Variants in MTR observed in about 807,000 individuals in gnomAD.
The protein encoded by MTR is 5-methyltetrahydrofolate-homocysteine methyltransferase.
Under a neutral mutation model 154.8 loss-of-function variants are expected in MTR, and 84 were observed. The ratio of observed to expected loss-of-function variants is 0.54; its 90% CI spans 0.45 to 0.65. MTR has a LOEUF of 0.65. Ranked by LOEUF, MTR falls within the 30% of genes least tolerant of loss-of-function variation. MTR has a pLI of 0.00. For missense variants in MTR, 1,275 were observed against 1,570.2 expected, an observed-to-expected ratio of 0.81 and a Z score of 3.18; for synonymous variants, 554 against 553.9, an observed-to-expected ratio of 1.00 and a Z score of 0.00.
chr1:236,880,782 G>A lies in MTR; in HGVS notation c.2622G>A (p.Pro874=), dbSNP rs141919148. ...SKTHTAVKIA[P]RYSAPVIHVL... is the part of the protein sequence containing the mutation. ...CCCACACAGCAGTTAAAATAGCTCC[G>A]AGATACAGTGCACCTGTAATCCATG... The change falls in exon 25 of 33, where the codon CCG becomes CCA. Residue 874 remains proline (P), a synonymous_variant. Transcript: ENST00000366577. 5.3e-4 allele frequency: 860 copies of A among 1,614,130 alleles called. 1 individual carries two copies. The highest frequency in any genetic ancestry group is 6.2e-4 in the Non-Finnish European group (734 of 1,180,012).
chr1:236,835,568 G>C lies in MTR; in HGVS notation c.1210G>C (p.Val404Leu), dbSNP rs950521121. ...TCAGGAAGCCTTGTGTGTTGCCAAAGTGCAGGTGGAAATGGGAGCCCAGGT... is the reference window on the plus strand; with the variant it reads ...TCAGGAAGCCTTGTGTGTTGCCAAACTGCAGGTGGAAATGGGAGCCCAGGT... ...NYEEALCVAKVQVEMGAQVLD... is the reference protein window; with the variant it reads ...NYEEALCVAKLQVEMGAQVLD... The change falls in exon 14 of 33, where the codon GTG becomes CTG. Residue 404 changes from valine (V) to leucine (L), a missense_variant. Coordinates refer to ENST00000366577, the MANE Select transcript of MTR (RefSeq NM_000254.3). The C allele has an allele frequency of 1.2e-6, 2 of 1,611,772 alleles. No individual in the cohort carries two copies. The highest frequency in any genetic ancestry group is 1.7e-6 in the Non-Finnish European group (2 of 1,179,652).
intron 15 of MTR, among the ~76,000 whole-genome samples, chr1:236,846,074 T>G (rs1242413322): frequency 2.0e-5 from 3 of 152,214 alleles, no homozygotes; most frequent in African/African-American, 7.2e-5. Flanking sequence ...AACTGCAAGG[T>G]CAAGACCAGA....
At position 236,900,256 on chromosome 1, in the gene MTR, A is replaced by G. The variant is rs1666861911; in HGVS notation, c.*2612A>G. On this transcript the variant is annotated 3_prime_UTR_variant, in exon 33 of 33. Coordinates refer to ENST00000366577, the MANE Select transcript of MTR (RefSeq NM_000254.3). ...TAGTGGAAATGAGTGAACTACAGCT[A>G]TACCTCACAATAAGAATGAATCTCA... The G allele has an allele frequency of 3.7e-6, 1 of 271,776 alleles. No homozygotes were observed. The highest frequency in any genetic ancestry group is 7.5e-6 in the Non-Finnish European group (1 of 132,540). The allele number at this position is 271,776 out of a possible 1,614,324, so 16.8% of individuals were successfully genotyped here. A position where few individuals can be genotyped will look rare whatever the true frequency, so the allele number is the denominator to read the frequency against.
At chr1:236,837,681 T>C (rs1173770311) in intron 14 of MTR, among the ~76,000 whole-genome samples, 2 of 152,192 alleles carry the variant, frequency 1.3e-5, no homozygotes, top group African/African-American at 4.8e-5. Flanking sequence ...GGAGGGTCCC[T>C]GGAGCTCAGG....
chr1:236,854,860 C>T (rs1280264996), intron 18 of MTR, among the ~76,000 whole-genome samples: 1 of 152,186 alleles, frequency 6.6e-6, no homozygotes, highest in East Asian at 1.9e-4. Flanking sequence ...AGAGGTTTTG[C>T]CCCTGGAGGC....
At position 236,843,948 on chromosome 1, in the gene MTR, G is replaced by A. The variant is rs575252051; in HGVS notation, c.1515+5349G>A. ...ATGGGCAAAGTCTGGCTTGAAGATAGGATTCCTTTTTTTGGGAATTATTTG... is the reference window on the plus strand; with the variant it reads ...ATGGGCAAAGTCTGGCTTGAAGATAAGATTCCTTTTTTTGGGAATTATTTG... On this transcript the variant is annotated intron_variant, in intron 15 of 32. Coordinates refer to ENST00000366577, the MANE Select transcript of MTR (RefSeq NM_000254.3). 1.1e-4 allele frequency among the ~76,000 whole-genome samples: 16 copies of A among 152,266 alleles called. No individual in the cohort carries two copies. In the South Asian group the frequency reaches 3.1e-3, roughly 30 times the overall value.
At chr1:236,814,752 A>G (rs759296554) in intron 6 of MTR, among the ~76,000 whole-genome samples, 2 of 152,186 alleles carry the variant, frequency 1.3e-5, no homozygotes, top group African/African-American at 2.4e-5. Context: ...GATTTTTTGC[A>G]TTGAGTCCCA....
At chr1:236,866,301 G>T (rs1201296932) in intron 22 of MTR, among the ~76,000 whole-genome samples, 2 of 152,068 alleles carry the variant, frequency 1.3e-5, no homozygotes, top group African/African-American at 4.8e-5. Context: ...GATGATCTGT[G>T]ATCAGTGATC....
At chr1:236,819,341 A>G (rs1661784107) in intron 8 of MTR, among the ~76,000 whole-genome samples, 1 of 152,330 alleles carries the variant, frequency 6.6e-6, no homozygotes, top group East Asian at 1.9e-4. Flanking sequence ...TATATAGTTG[A>G]GACCACATAG....
chr1:236,840,560 G>C (rs1420671631), intron 15 of MTR, among the ~76,000 whole-genome samples: 1 of 152,174 alleles, frequency 6.6e-6, no homozygotes, highest in East Asian at 1.9e-4. Context: ...AGAATAAAAT[G>C]AGAGAGGAAG....
Position 236,889,310 on chromosome 1 carries a change from C to T in MTR, c.2981C>T (p.Pro994Leu), listed in dbSNP as rs1355193173. The change falls in exon 28 of 33, where the codon CCC becomes CTC. Residue 994 changes from proline to leucine, a missense_variant. By Grantham distance (98) the Pro-to-Leu change is moderately conservative. Transcript: ENST00000366577. ...LRGKYPNRGFPKIFNDKTVGG... is the reference protein window; with the variant it reads ...LRGKYPNRGFLKIFNDKTVGG... ...GGCAAGTACCCGAATCGAGGCTTTC[C>T]CAAGATATTTAACGACAAAACAGTA... 6.2e-7 allele frequency: 1 copy of T among 1,614,072 alleles called. No individual in the cohort carries two copies. The highest frequency in any genetic ancestry group is 1.3e-5 in the African/African-American group (1 of 74,914).
At chr1:236,811,255 A>AATTACCCTC (rs1661286089) in intron 5 of MTR, among the ~76,000 whole-genome samples, 1 of 152,134 alleles carries the variant, frequency 6.6e-6, no homozygotes, top group African/African-American at 2.4e-5. Context: ...CCCATGATTC[A>AATTACCCTC]ATTACCCTCA....
rs1345387459 is a variant in MTR at position 236,862,257 on chromosome 1, A to G, written c.2218A>G (p.Met740Val). 4.3e-6 allele frequency: 7 copies of G among 1,613,854 alleles called. No individual in the cohort carries two copies. The highest frequency in any genetic ancestry group is 5.9e-6 in the Non-Finnish European group (7 of 1,179,866). Residue 740 changes from methionine to valine, a missense_variant, in exon 21 of 33, where the codon ATG (methionine) becomes GTG (valine). Physicochemically the swap from Met to Val is conservative, Grantham distance 21. Coordinates refer to ENST00000366577, the MANE Select transcript of MTR (RefSeq NM_000254.3). ...TCAGGTTATAAAGTCAGCCCGGGTT[A>G]TGAAGAAGGCTGTTGGCCACCTTAT... Reference protein sequence around the residue: ...LPQVIKSARVMKKAVGHLIPF... With the variant: ...LPQVIKSARVVKKAVGHLIPF...
chr1:236,828,927 G>A (rs1019641333), intron 11 of MTR, among the ~76,000 whole-genome samples: 4 of 152,032 alleles, frequency 2.6e-5, no homozygotes, highest in Admixed American at 2.6e-4. Context: ...CCAGGTTCAT[G>A]TCTCAGAAAG....
intron 31 of MTR, among the ~76,000 whole-genome samples, chr1:236,896,130 G>A (rs1029647920): frequency 6.6e-6 from 1 of 152,164 alleles, no homozygotes; most frequent in Non-Finnish European, 1.5e-5. Flanking sequence ...TGAGACAAAG[G>A]CCCAGACACC....
Position 236,889,304 on chromosome 1 carries a change from G to C in MTR, c.2975G>C (p.Gly992Ala). Residue 992 changes from glycine (G) to alanine (A), a missense_variant, in exon 28 of 33, where the codon GGC (glycine) becomes GCC (alanine). Transcript: ENST00000366577. ...CTCCGGGGCAAGTACCCGAATCGAG[G>C]CTTTCCCAAGATATTTAACGACAAA... ...WQLRGKYPNR[G>A]FPKIFNDKTV... The C allele has an allele frequency of 1.2e-6, 2 of 1,614,220 alleles. No individual in the cohort carries two copies. The highest frequency in any genetic ancestry group is 1.3e-5 in the African/African-American group (1 of 75,040).
At chr1:236,823,368 T>C (rs548505789) in intron 8 of MTR, among the ~76,000 whole-genome samples, 1 of 152,294 alleles carries the variant, frequency 6.6e-6, no homozygotes, top group African/African-American at 2.4e-5. Flanking sequence ...TCTCAAAAAG[T>C]TTCATATTTT....
chr1:236,869,739 T>A (rs1422598403), intron 22 of MTR, among the ~76,000 whole-genome samples: 2 of 127,196 alleles, frequency 1.6e-5, no homozygotes, highest in Admixed American at 1.6e-4. Flanking sequence ...GGAAGAATGG[T>A]AGCAGGCACA....
At chr1:236,810,411 G>A (rs1661227179) in intron 4 of MTR, 92 bp from the exon 5 acceptor site, 1 of 1,038,282 alleles carries the variant, frequency 9.6e-7, no homozygotes, top group Non-Finnish European at 1.5e-6. Context: ...TTATAGACCT[G>A]TGTTCCAGAA....
Sources: gnomAD v4.1 joint callset for allele counts (sites outside exome capture counted in the v4.1 genomes callset) on GRCh38, gnomAD v4.1.1 for gene constraint, MANE v1.5 for transcripts, NCBI Gene and HGNC (gene_info 2026-07-23, HGNC 2026-07-21) for gene names.